KCTD8: variants seen among roughly 807,000 people sequenced by gnomAD.
The protein encoded by KCTD8 is BTB/POZ domain-containing protein KCTD8.
KCTD8 carries 27 observed loss-of-function variants against 31.5 expected under a neutral mutation model. The ratio of observed to expected loss-of-function variants is 0.86; its 90% CI spans 0.63 to 1.18. The LOEUF is 1.18. Among genes scored for constraint, KCTD8 ranks in the 50% most tolerant of loss-of-function variants. The pLI is 0.00. For missense variants in KCTD8, 658 were observed against 647.7 expected (o/e 1.02, Z -0.17); for synonymous variants, 290 against 280.0 (o/e 1.04, Z -0.36).
At chr4:44,341,138 C>G (rs1718886483) in intron 1 of KCTD8, among the ~76,000 whole-genome samples, 2 of 152,068 alleles carry the variant, frequency 1.3e-5, no homozygotes, top group East Asian at 3.9e-4. Flanking sequence ...TTATACTGTA[C>G]TACAGTTTAT....
At chr4:44,275,373 C>G (rs1285651962) in intron 1 of KCTD8, among the ~76,000 whole-genome samples, 1 of 151,804 alleles carries the variant, frequency 6.6e-6, no homozygotes, top group East Asian at 1.9e-4. Flanking sequence ...ACCCTCTGTC[C>G]CTCCCGCCCT....
At chr4:44,221,317 G>A (rs1266435125) in intron 1 of KCTD8, among the ~76,000 whole-genome samples, 1 of 151,430 alleles carries the variant, frequency 6.6e-6, no homozygotes, top group East Asian at 1.9e-4. Flanking sequence ...TGTTTCTGCT[G>A]CAGGGTCCAT....
intron 1 of KCTD8, among the ~76,000 whole-genome samples, chr4:44,275,310 A>G (rs552541498): frequency 6.6e-6 from 1 of 151,882 alleles, no homozygotes; most frequent in Non-Finnish European, 1.5e-5. Flanking sequence ...TTATGAGAAA[A>G]TACTTTTTAA....
chr4:44,349,109 TATC>T (rs1332479931), intron 1 of KCTD8, among the ~76,000 whole-genome samples: 2 of 142,700 alleles, frequency 1.4e-5, no homozygotes, highest in Admixed American at 7.0e-5. Context: ...CCACCAATGC[TATC>T]ATCATCATTT....
At chr4:44,264,328 A>T (rs12651574) in intron 1 of KCTD8, among the ~76,000 whole-genome samples, 40,375 of 152,072 alleles carry the variant, frequency 0.27, 5,761 homozygotes, top group East Asian at 0.4. Flanking sequence ...TGACTTAACC[A>T]TTATACAATT....
intron 1 of KCTD8, among the ~76,000 whole-genome samples, chr4:44,248,420 T>A (rs1471797221): frequency 6.7e-6 from 1 of 150,184 alleles, no homozygotes; most frequent in Non-Finnish European, 1.5e-5. Flanking sequence ...CTCTAAACAT[T>A]ATTATCTAAC....
intron 1 of KCTD8, among the ~76,000 whole-genome samples, chr4:44,185,224 A>G (rs1467467684): frequency 1.3e-5 from 2 of 152,102 alleles, no homozygotes; most frequent in African/African-American, 4.8e-5. Context: ...ATTTTCAAAC[A>G]CTTGTCATGT....
chr4:44,245,738 TC>T (rs1185980683), intron 1 of KCTD8, among the ~76,000 whole-genome samples: 1 of 151,930 alleles, frequency 6.6e-6, no homozygotes, highest in Non-Finnish European at 1.5e-5. Flanking sequence ...AGCATTTTTT[TC>T]CTATCAAGCA....
At chr4:44,200,909 C>T (rs1300609412) in intron 1 of KCTD8, among the ~76,000 whole-genome samples, 1 of 143,630 alleles carries the variant, frequency 7.0e-6, no homozygotes, top group Admixed American at 7.0e-5. Context: ...AGAGAAATCA[C>T]TAAAGACTCT....
intron 1 of KCTD8, among the ~76,000 whole-genome samples, chr4:44,446,279 A>G (rs907472125): frequency 6.6e-6 from 1 of 152,144 alleles, no homozygotes; most frequent in Non-Finnish European, 1.5e-5. Context: ...TCAGTTCCCA[A>G]TTACTGTAGT....
At chr4:44,408,463 C>A (rs1720857822) in intron 1 of KCTD8, among the ~76,000 whole-genome samples, 1 of 151,960 alleles carries the variant, frequency 6.6e-6, no homozygotes, top group Non-Finnish European at 1.5e-5. Flanking sequence ...TGCTAGTTAA[C>A]AAAACCAAAA....
chr4:44,447,779 C>G lies in KCTD8; in HGVS notation c.745G>C (p.Gly249Arg), dbSNP rs1175199703. 2.5e-6 allele frequency: 4 copies of G among 1,610,188 alleles called. No individual in the cohort carries two copies. The highest frequency in any genetic ancestry group is 2.2e-5 in the East Asian group (1 of 44,708). ...TCGCGGCTCTCGTTGAGCGTGTCCC[C>G]GAAGACCTCCTTGGCCAGCGCGATG... ...GRIALAKEVF[G>R]DTLNESRDPD... Residue 249 changes from glycine (G) to arginine (R), a missense_variant, in exon 1 of 2, where the codon GGG (glycine) becomes CGG (arginine). Gly to Arg is a moderately radical substitution (Grantham distance 125). Coordinates refer to ENST00000360029, the MANE Select transcript of KCTD8 (RefSeq NM_198353.3).
At chr4:44,419,657 C>A (rs867770979) in intron 1 of KCTD8, among the ~76,000 whole-genome samples, 2 of 151,708 alleles carry the variant, frequency 1.3e-5, no homozygotes, top group Non-Finnish European at 2.9e-5. Flanking sequence ...ACAATGAGAA[C>A]GCTTGGACAC....
chr4:44,186,723 G>A (rs777115860), intron 1 of KCTD8, among the ~76,000 whole-genome samples: 4 of 152,196 alleles, frequency 2.6e-5, no homozygotes, highest in African/African-American at 4.8e-5. Flanking sequence ...CTGCCAGGGG[G>A]ACAAGGGAAT....
chr4:44,264,097 G>T (rs1449702647), intron 1 of KCTD8, among the ~76,000 whole-genome samples: 1 of 152,130 alleles, frequency 6.6e-6, no homozygotes, highest in African/African-American at 2.4e-5. Context: ...TAATTACAGA[G>T]ATTAGATTAA....
At chr4:44,203,134 T>C (rs1192329114) in intron 1 of KCTD8, among the ~76,000 whole-genome samples, 1 of 152,186 alleles carries the variant, frequency 6.6e-6, no homozygotes, top group South Asian at 2.1e-4. Flanking sequence ...CCAAAATCTG[T>C]AGGGCATACC....
intron 1 of KCTD8, among the ~76,000 whole-genome samples, chr4:44,410,752 TACTC>T (rs1388995822): frequency 3.3e-5 from 5 of 152,086 alleles, no homozygotes; most frequent in Non-Finnish European, 5.9e-5. Context: ...TTGTGAGACT[TACTC>T]ACTATCACAA....
chr4:44,428,537 G>A (rs1313596638), intron 1 of KCTD8, among the ~76,000 whole-genome samples: 1 of 151,656 alleles, frequency 6.6e-6, no homozygotes, highest in African/African-American at 2.4e-5. Context: ...ATATTTTTGG[G>A]ATTAGAGCTC....
At chr4:44,340,456 G>A (rs962930289) in intron 1 of KCTD8, among the ~76,000 whole-genome samples, 1 of 150,944 alleles carries the variant, frequency 6.6e-6, no homozygotes, top group Admixed American at 6.6e-5. Context: ...CCGCCACCAT[G>A]CCTGGCTAAT....
Sources: gnomAD v4.1 joint callset for allele counts (sites outside exome capture counted in the v4.1 genomes callset) on GRCh38, gnomAD v4.1.1 for gene constraint, MANE v1.5 for transcripts, NCBI Gene and HGNC (gene_info 2026-07-23, HGNC 2026-07-21) for gene names.